TANK: variants seen among roughly 807,000 people sequenced by gnomAD.
The protein encoded by TANK is TRAF family member associated NFKB activator, also known as TRAF family member-associated NF-kappa-B activator.
TANK carries 15 observed loss-of-function variants against 43.6 expected under a neutral mutation model. That is an observed-to-expected ratio of 0.34 (90% confidence interval 0.23 to 0.53). The LOEUF is 0.53. Among genes scored for constraint, TANK ranks in the 20% least tolerant of loss-of-function variants. The pLI is 0.94. For missense variants in TANK, 417 were observed against 498.6 expected, an observed-to-expected ratio of 0.84 and a Z score of 1.56; for synonymous variants, 162 against 178.2, an observed-to-expected ratio of 0.91 and a Z score of 0.73.
intron 2 of TANK, among the ~76,000 whole-genome samples, chr2:161,183,003 CAA>C (rs902830476): frequency 3.3e-5 from 5 of 152,142 alleles, no homozygotes; most frequent in African/African-American, 1.2e-4. Flanking sequence ...AAGACTATAA[CAA>C]GAGTTGTGAG....
At chr2:161,161,127 A>G (rs1414529508) in intron 1 of TANK, 2 of 1,301,952 alleles carry the variant, frequency 1.5e-6, no homozygotes, top group African/African-American at 3.0e-5. Context: ...CGCCGGTGTA[A>G]ACTGACTAGC....
intron 1 of TANK, among the ~76,000 whole-genome samples, chr2:161,147,140 G>A (rs1485690017): frequency 6.6e-6 from 1 of 152,104 alleles, no homozygotes; most frequent in East Asian, 1.9e-4. Flanking sequence ...GGGGGTGTGG[G>A]AGTTACTGCT....
chr2:161,137,571 T>G (rs929731720), intron 1 of TANK, among the ~76,000 whole-genome samples: 2 of 152,200 alleles, frequency 1.3e-5, no homozygotes, highest in African/African-American at 4.8e-5. Context: ...TGGCTTAAGT[T>G]GTTCATAACT....
chr2:161,178,867 A>G lies in TANK; in HGVS notation c.-49-747A>G, dbSNP rs368850458. On this transcript the variant is annotated intron_variant, in intron 1 of 7. Transcript: ENST00000392749. ...AAAGGTCCTGTGTTGTGATTTTTAC[A>G]GTTGGACAGGAAGAATCAGAGTCAT... Among the ~76,000 whole-genome samples the G allele has an allele frequency of 1.6e-4, 25 of 152,292 alleles. 1 individual carries two copies. Among genetic ancestry groups the G allele is most frequent in the East Asian group, 1.5e-3 (8 of 5,186 alleles).
chr2:161,154,312 G>C (rs1020120433), intron 1 of TANK, among the ~76,000 whole-genome samples: 2 of 152,116 alleles, frequency 1.3e-5, no homozygotes, highest in Non-Finnish European at 2.9e-5. Context: ...GATCACTTAA[G>C]GTATTAAAAG....
At chr2:161,230,563 C>T (rs1687857150) in intron 6 of TANK, among the ~76,000 whole-genome samples, 1 of 152,104 alleles carries the variant, frequency 6.6e-6, no homozygotes, top group African/African-American at 2.4e-5. Context: ...AATAAATGAC[C>T]TAATTTTAGA....
intron 1 of TANK, among the ~76,000 whole-genome samples, chr2:161,138,678 A>G (rs1683657012): frequency 6.6e-6 from 1 of 152,220 alleles, no homozygotes; most frequent in African/African-American, 2.4e-5. Context: ...GGTTCTGCCC[A>G]GCAGCCAACT....
chr2:161,162,499 TAATTC>T (rs1684489118), intron 1 of TANK: 1 of 152,124 alleles, frequency 6.6e-6, no homozygotes, highest in African/African-American at 2.4e-5. Flanking sequence ...CATCTAATTA[TAATTC>T]ATCTTATCTC....
At chr2:161,228,101 T>G (rs946252760) in intron 6 of TANK, among the ~76,000 whole-genome samples, 1 of 152,172 alleles carries the variant, frequency 6.6e-6, no homozygotes, top group Non-Finnish European at 1.5e-5. Flanking sequence ...CAAAACAGTT[T>G]AAGACCTCAA....
chr2:161,191,769 T>A (rs1475342368), intron 2 of TANK, among the ~76,000 whole-genome samples: 2 of 152,148 alleles, frequency 1.3e-5, no homozygotes, highest in Admixed American at 6.6e-5. Flanking sequence ...TGACAATACC[T>A]TGTACTACCC....
At chr2:161,197,853 A>G (rs1686225201) in intron 2 of TANK, among the ~76,000 whole-genome samples, 2 of 152,152 alleles carry the variant, frequency 1.3e-5, no homozygotes, top group Non-Finnish European at 2.9e-5. Context: ...TTCAACATGA[A>G]TTTTGGTGGG....
upstream of TANK, chr2:161,159,154 C>A (rs1234863951): frequency 6.6e-6 from 1 of 152,204 alleles, no homozygotes; most frequent in Non-Finnish European, 1.5e-5. Flanking sequence ...CAAAACTAAA[C>A]ATTCTCTTAC....
At position 161,230,877 on chromosome 2, in the gene TANK, GA is replaced by G. The variant is rs1687876922; in HGVS notation, c.521-88del. The G allele has an allele frequency of 4.0e-6, 4 of 1,008,740 alleles. No individual in the cohort carries two copies. The African/African-American group carries it at 4.9e-5, about 12-fold the overall frequency. 62.5% of individuals were successfully genotyped at this position (1,008,740 alleles called of 1,614,324 possible). A position where few individuals can be genotyped will look rare whatever the true frequency, so the allele number is the denominator to read the frequency against. ...TCTTCATTTGCTATAAAAACCAATA[GA>G]AAAAATAATAATAATCTCTCCAAAG... On this transcript the variant is annotated intron_variant, in intron 6 of 7. Coordinates refer to ENST00000392749, the MANE Select transcript of TANK (RefSeq NM_001199135.3).
chr2:161,224,542 G>T, intron 5 of TANK, 89 bp from the exon 6 acceptor site: 2 of 488,124 alleles, frequency 4.1e-6, no homozygotes, highest in South Asian at 5.4e-5. Flanking sequence ...TTATTTTGTG[G>T]CACATAAAAT....
chr2:161,235,335 C>T lies in TANK; in HGVS notation c.1102-7C>T, dbSNP rs1199656680. 1 of 1,575,634 alleles carries T rather than the reference C, an allele frequency of 6.3e-7. No homozygotes were observed. The highest frequency in any genetic ancestry group is 2.3e-5 in the East Asian group (1 of 43,246). ...AAGTAACAGATATTTTTGTTTGTTT[C>T]CTGCAGCCCATTTGGAAGCCCTTTC... is the stretch of plus-strand genomic sequence containing the variant. On this transcript the variant is annotated splice_polypyrimidine_tract_variant and splice_region_variant and intron_variant, in intron 7 of 7. Coordinates refer to ENST00000392749, the MANE Select transcript of TANK (RefSeq NM_001199135.3).
intron 1 of TANK, among the ~76,000 whole-genome samples, chr2:161,144,746 T>C (rs1327922507): frequency 6.6e-6 from 1 of 152,206 alleles, no homozygotes; most frequent in Non-Finnish European, 1.5e-5. Context: ...GTAAGTGCCA[T>C]GTGGTACTAA....
In TANK at chr2:161,211,808, C is replaced by T. The variant is rs953734187; in HGVS notation, c.327+7015C>T. The T allele has an allele frequency of 1.0e-5, 10 of 985,288 alleles. No individual in the cohort carries two copies. In the African/African-American group the frequency reaches 1.2e-4, roughly 12 times the overall value. 61.0% of individuals were successfully genotyped at this position (985,288 alleles called of 1,614,324 possible). ...TGGGGCTTAGAGAACTGGAGAAAAACGTGTTTGTGTGTAGTACCTCAGGTA... is the reference window on the plus strand; with the variant it reads ...TGGGGCTTAGAGAACTGGAGAAAAATGTGTTTGTGTGTAGTACCTCAGGTA... On this transcript the variant is annotated intron_variant, in intron 4 of 7. Coordinates refer to ENST00000392749, the MANE Select transcript of TANK (RefSeq NM_001199135.3).
At chr2:161,212,758 T>G in intron 4 of TANK, 1 of 985,378 alleles carries the variant, frequency 1.0e-6, no homozygotes, top group Non-Finnish European at 1.2e-6. Flanking sequence ...AGCCCTGATT[T>G]CTCTTGGCCA....
chr2:161,221,943 C>T (rs778335709), intron 4 of TANK, among the ~76,000 whole-genome samples: 26 of 152,112 alleles, frequency 1.7e-4, no homozygotes, highest in Non-Finnish European at 3.2e-4. Context: ...TCCTCCTTTA[C>T]CTCCTGCCAA....
Sources: allele counts gnomAD v4.1 joint callset (sites outside exome capture counted in the v4.1 genomes callset), GRCh38; gene constraint gnomAD v4.1.1; transcripts MANE v1.5; gene names NCBI Gene and HGNC (gene_info 2026-07-23, HGNC 2026-07-21).